The following EIF3L variants were observed in gnomAD, a reference collection of about 807,000 sequenced individuals.
EIF3L encodes eukaryotic translation initiation factor 3 subunit L.
EIF3L carries 32 observed loss-of-function variants against 74.6 expected under a neutral mutation model. That is an observed-to-expected ratio of 0.43 (90% CI 0.32 to 0.58). The LOEUF (loss-of-function observed/expected upper bound fraction) is 0.58, where lower values mean the gene tolerates loss of function less well. EIF3L is among the 20% of genes least tolerant of loss of function. The pLI is 0.06. For synonymous variants in EIF3L, 256 were observed against 254.4 expected, an observed-to-expected ratio of 1.01 and a Z score of -0.06; for missense variants, 474 against 707.8, an observed-to-expected ratio of 0.67 and a Z score of 3.75.
At chr22:37,865,214 C>T (rs1358408233) in intron 7 of EIF3L, among the ~76,000 whole-genome samples, 2 of 152,124 alleles carry the variant, frequency 1.3e-5, no homozygotes, top group East Asian at 3.9e-4. Flanking sequence ...GCCTGTAATC[C>T]CAACACTTTG....
chr22:37,857,456 C>T (rs1247570068), intron 4 of EIF3L, among the ~76,000 whole-genome samples: 2 of 148,854 alleles, frequency 1.3e-5, no homozygotes, highest in Non-Finnish European at 3.0e-5. Context: ...TCTTTGGTTG[C>T]GTTCACCAGT....
At position 37,884,271 on chromosome 22, in the gene EIF3L, A is replaced by G. The variant is rs1378240993; in HGVS notation, c.1576-2494A>G. 5 of 152,302 alleles carry G rather than the reference A, an allele frequency of 3.3e-5. No homozygotes were observed. In the East Asian group the frequency reaches 5.8e-4, roughly 18 times the overall value. 9.4% of individuals were successfully genotyped at this position (152,302 alleles called of 1,614,324 possible). ...TAGCTGAATAATATCCCATGTATTA[A>G]TGTACTGCATTTTGTTTATCCATTT... On this transcript the variant is annotated intron_variant, in intron 11 of 12. Transcript: ENST00000652021.
intron 5 of EIF3L, among the ~76,000 whole-genome samples, chr22:37,860,742 A>T (rs1276457267): frequency 6.6e-6 from 1 of 152,058 alleles, no homozygotes; most frequent in Non-Finnish European, 1.5e-5. Context: ...AGTCATTATC[A>T]TCTCTTCCCT....
At chr22:37,864,216 C>G (rs1446337080) in intron 7 of EIF3L, among the ~76,000 whole-genome samples, 4 of 152,152 alleles carry the variant, frequency 2.6e-5, no homozygotes, top group African/African-American at 9.7e-5. Context: ...CACCAACTTA[C>G]GTGGATATTT....
chr22:37,855,963 A>G (rs923362322), intron 4 of EIF3L, among the ~76,000 whole-genome samples: 1 of 152,096 alleles, frequency 6.6e-6, no homozygotes, highest in Admixed American at 6.6e-5. Flanking sequence ...GATGTCCTTT[A>G]TATATGGGTG....
intron 7 of EIF3L, among the ~76,000 whole-genome samples, chr22:37,865,379 G>C (rs1926094251): frequency 6.6e-6 from 1 of 151,666 alleles, no homozygotes; most frequent in Non-Finnish European, 1.5e-5. Flanking sequence ...GGAATCGCTC[G>C]AACCCGAGAG....
At chr22:37,860,330 A>G (rs1940360564) in intron 5 of EIF3L, among the ~76,000 whole-genome samples, 1 of 152,168 alleles carries the variant, frequency 6.6e-6, no homozygotes, top group South Asian at 2.1e-4. Flanking sequence ...TCTGTCTTCA[A>G]CATACTTCTT....
chr22:37,864,854 A>G (rs1601765132), intron 7 of EIF3L, among the ~76,000 whole-genome samples: 1 of 152,222 alleles, frequency 6.6e-6, no homozygotes, highest in East Asian at 1.9e-4. Context: ...GCCCATTTTA[A>G]AATGGTAACA....
rs1319417187 is a variant in EIF3L, at chr22:37,858,721, A to G, written c.416A>G (p.His139Arg). The change falls in exon 5 of 13, where the codon CAC becomes CGC. Residue 139 changes from histidine to arginine, a missense_variant. Around this residue, in one of 4 missense-constraint regions of EIF3L, gnomAD observed 141 missense variants for 197.7 expected, o/e 0.71. Transcript: ENST00000652021. ...TTATACAAAGAATTATACTACAGGC[A>G]CATATATGCCAAAGTCAGTGTAAGT... Reference protein sequence around the residue: ...LILYKELYYRHIYAKVSGGPS... With the variant: ...LILYKELYYRRIYAKVSGGPS... The G allele has an allele frequency of 6.2e-7, 1 of 1,607,748 alleles. No individual in the cohort carries two copies. Among genetic ancestry groups the G allele is most frequent in the Admixed American group, 1.7e-5 (1 of 58,838 alleles).
At chr22:37,873,519 T>G (rs996924321) in intron 8 of EIF3L, among the ~76,000 whole-genome samples, 1 of 152,000 alleles carries the variant, frequency 6.6e-6, no homozygotes, top group African/African-American at 2.4e-5. Flanking sequence ...GGTCTCGATC[T>G]CCTGACCTCG....
At chr22:37,877,618 G>A in intron 10 of EIF3L, 56 bp from the exon 11 acceptor site, 1 of 1,533,818 alleles carries the variant, frequency 6.5e-7, no homozygotes, top group Non-Finnish European at 8.8e-7. Flanking sequence ...TTGGCAGTGG[G>A]GACCTCAGGA....
chr22:37,849,897 G>C (rs1041153316), intron 1 of EIF3L, 118 bp from the exon 2 acceptor site: 26 of 1,078,590 alleles, frequency 2.4e-5, no homozygotes, highest in Non-Finnish European at 3.6e-5. Flanking sequence ...TCAAAGGCAG[G>C]CACAGTGTCT....
intron 4 of EIF3L, among the ~76,000 whole-genome samples, chr22:37,856,821 G>T (rs528051381): frequency 6.6e-6 from 1 of 150,744 alleles, no homozygotes; most frequent in East Asian, 2.0e-4. Context: ...TCCAGCCTGG[G>T]CAACAAGAGC....
At chr22:37,857,415 A>G (rs533782133) in intron 4 of EIF3L, among the ~76,000 whole-genome samples, 10 of 147,854 alleles carry the variant, frequency 6.8e-5, no homozygotes, top group Non-Finnish European at 1.3e-4. Context: ...CCTCCAATCT[A>G]TGGACATGGG....
At chr22:37,861,829 C>A (rs905476012) in intron 5 of EIF3L, among the ~76,000 whole-genome samples, 1 of 152,134 alleles carries the variant, frequency 6.6e-6, no homozygotes, top group African/African-American at 2.4e-5. Flanking sequence ...GCTGGTTTTA[C>A]CACCTCTAAT....
intron 4 of EIF3L, among the ~76,000 whole-genome samples, chr22:37,858,108 C>T (rs562625770): frequency 3.3e-5 from 5 of 151,318 alleles, no homozygotes; most frequent in Middle Eastern, 3.4e-3. Flanking sequence ...CCCTGGAAGT[C>T]GAGGCTGCAG....
chr22:37,849,604 G>A, intron 1 of EIF3L, 122 bp downstream of exon 1: 2 of 1,128,804 alleles, frequency 1.8e-6, no homozygotes, highest in African/African-American at 1.6e-5. Context: ...CTCCCGCCCG[G>A]CCCTCAGGCT....
chr22:37,888,512 G>T lies in EIF3L; in HGVS notation c.*48G>T, dbSNP rs1221023416. 6.2e-7 allele frequency: 1 copy of T among 1,602,294 alleles called. No individual in the cohort carries two copies. The highest frequency in any genetic ancestry group is 2.2e-5 in the East Asian group (1 of 44,792). On this transcript the variant is annotated 3_prime_UTR_variant, in exon 13 of 13. Coordinates refer to ENST00000652021, the MANE Select transcript of EIF3L (RefSeq NM_016091.4). The stretch of plus-strand genomic sequence containing the variant: ...ACCTGTTTTGATGTATTATAGGCAG[G>T]AAGTGTTTTTGCTACCGTGAAACCT...
chr22:37,873,572 C>T (rs967894398), intron 8 of EIF3L, among the ~76,000 whole-genome samples: 2 of 152,058 alleles, frequency 1.3e-5, no homozygotes, highest in Non-Finnish European at 2.9e-5. Context: ...GGATTACAGG[C>T]GTGAGCCACC....
Sources: allele counts gnomAD v4.1 joint callset (sites outside exome capture counted in the v4.1 genomes callset), GRCh38; gene constraint gnomAD v4.1.1; regional missense constraint gnomAD v4.1.1; transcripts MANE v1.5; gene names NCBI Gene and HGNC (gene_info 2026-07-23, HGNC 2026-07-21).